Variants in CACNA1E observed in about 807,000 individuals in gnomAD.
CACNA1E encodes the protein voltage-dependent R-type calcium channel subunit alpha-1E.
CACNA1E carries 40 observed loss-of-function variants against 259.2 expected under a neutral mutation model. The ratio of observed to expected loss-of-function variants is 0.15; its 90% CI spans 0.12 to 0.20. The LOEUF (loss-of-function observed/expected upper bound fraction) is 0.20, where lower values mean the gene tolerates loss of function less well. Among genes scored for constraint, CACNA1E ranks in the 10% least tolerant of loss-of-function variants. The pLI, the probability that CACNA1E is intolerant of heterozygous loss-of-function variation, is 1.00. For missense variants in CACNA1E, 1,874 were observed against 3,040.1 expected, an observed-to-expected ratio of 0.62 and a Z score of 9.02; for synonymous variants, 1,104 against 1,138.5, an observed-to-expected ratio of 0.97 and a Z score of 0.61.
At chr1:181,680,519 C>T (rs1170101023) in intron 7 of CACNA1E, among the ~76,000 whole-genome samples, 1 of 152,144 alleles carries the variant, frequency 6.6e-6, no homozygotes, top group Non-Finnish European at 1.5e-5. Context: ...TGTGTTCCAC[C>T]CGCACATGTT....
chr1:181,529,223 G>A (rs903605139), intron 3 of CACNA1E, among the ~76,000 whole-genome samples: 5 of 151,858 alleles, frequency 3.3e-5, no homozygotes, highest in African/African-American at 1.2e-4. Flanking sequence ...CCCAAGTCTT[G>A]GCAGCTTCCA....
At chr1:181,636,921 GCAAAGAGGCTGTGTTTTCTGAACCTTCTC>G (rs1207787560) in intron 6 of CACNA1E, among the ~76,000 whole-genome samples, 7 of 152,230 alleles carry the variant, frequency 4.6e-5, no homozygotes, top group Non-Finnish European at 8.8e-5. Flanking sequence ...ATGCCCATCA[GCAAAGAGGCTGTGTTTTCTGAACCTTCTC>G]CAAAGAGGCT....
At chr1:181,731,262 G>A in intron 19 of CACNA1E, 31 bp downstream of exon 19, 1 of 1,564,186 alleles carries the variant, frequency 6.4e-7, no homozygotes, top group East Asian at 2.2e-5. Context: ...GTGTTTGTGA[G>A]TGGTTACGTG....
intron 3 of CACNA1E, among the ~76,000 whole-genome samples, chr1:181,563,135 C>T (rs1649486226): frequency 6.6e-6 from 1 of 152,130 alleles, no homozygotes. Context: ...TTTTATAAAA[C>T]TTTATGATTG....
chr1:181,542,690 G>A (rs1668684891), intron 3 of CACNA1E, among the ~76,000 whole-genome samples: 2 of 151,830 alleles, frequency 1.3e-5, no homozygotes, highest in Admixed American at 6.6e-5. Context: ...ACGCTGAACT[G>A]TGAGTCAGTT....
Position 181,566,391 on chromosome 1 carries a change from T to C in CACNA1E, c.513-11375T>C, listed in dbSNP as rs568303024. On this transcript the variant is annotated intron_variant, in intron 3 of 47. Transcript: ENST00000367573. ...CAACAATAAGAAATGTTTCTTTTTC[T>C]TTTTGTTATCACCTGGGCCTGAATG... Among the ~76,000 whole-genome samples, 20 of 152,312 alleles carry C rather than the reference T, an allele frequency of 1.3e-4. No homozygotes were observed. The South Asian group carries it at 4.1e-3, about 32-fold the overall frequency.
intron 1 of CACNA1E, among the ~76,000 whole-genome samples, chr1:181,491,097 A>C (rs1390691506): frequency 1.3e-5 from 2 of 152,224 alleles, no homozygotes; most frequent in Admixed American, 1.3e-4. Context: ...GGTCAGAGCC[A>C]AAAAGCATGA....
chr1:181,630,384 G>GCCCCCCCCCCCCCCCCCCC (rs371364830), intron 6 of CACNA1E, among the ~76,000 whole-genome samples: 1 of 145,056 alleles, frequency 6.9e-6, no homozygotes, highest in Non-Finnish European at 1.5e-5. Context: ...TAATTAACAT[G>GCCCCCCCCCCCCCCCCCCC]CCCCCCCACC....
In CACNA1E at chr1:181,579,061, CT is replaced by C; in HGVS notation, c.617-9del. The C allele has an allele frequency of 6.3e-7, 1 of 1,596,344 alleles. No homozygotes were observed. The highest frequency in any genetic ancestry group is 8.5e-7 in the Non-Finnish European group (1 of 1,172,264). On this transcript the variant is annotated splice_polypyrimidine_tract_variant and intron_variant, in intron 4 of 47. Transcript: ENST00000367573. ...ACAGCTGCATTGGTCATTCTCTGTCCTTCCTTCTAGGCCTGCAGATTGTGTT... is the reference window on the plus strand; with the variant it reads ...ACAGCTGCATTGGTCATTCTCTGTCCTCCTTCTAGGCCTGCAGATTGTGTT...
Position 181,720,774 on chromosome 1 carries a change from G to T in CACNA1E, c.1884-9G>T. ...TCATTTCATTATTTTCTCTAATTTT[G>T]TTTTTCAGGTTTAACTTTAATGATG... On this transcript the variant is annotated splice_polypyrimidine_tract_variant and intron_variant, in intron 14 of 47. Transcript: ENST00000367573. The T allele has an allele frequency of 6.5e-7, 1 of 1,545,214 alleles. No individual in the cohort carries two copies. The highest frequency in any genetic ancestry group is 8.9e-7 in the Non-Finnish European group (1 of 1,121,100).
chr1:181,454,814 G>A (rs552340195), intron 2 of CACNA1E, among the ~76,000 whole-genome samples: 3 of 152,288 alleles, frequency 2.0e-5, no homozygotes, highest in South Asian at 4.1e-4. Context: ...ACATGTACTA[G>A]GCTTTGCGTA....
At position 181,805,843 on chromosome 1, in the gene CACNA1E, A is replaced by T. The variant is rs1027183910; in HGVS notation, c.*7009A>T. Reference sequence around the variant, plus strand: ...ATGTGTTTGGCATTTCATGGCTGGGACAATGGAGTAGAGGGTAGGAAGACA... The same window carrying T: ...ATGTGTTTGGCATTTCATGGCTGGGTCAATGGAGTAGAGGGTAGGAAGACA... On this transcript the variant is annotated 3_prime_UTR_variant, in exon 48 of 48. Coordinates refer to ENST00000367573, the MANE Select transcript of CACNA1E (RefSeq NM_001205293.3). The T allele has an allele frequency of 6.6e-6, 1 of 152,246 alleles. No homozygotes were observed. Among genetic ancestry groups the T allele is most frequent in the Non-Finnish European group, 1.5e-5 (1 of 68,062 alleles). 9.4% of individuals were successfully genotyped at this position (152,246 alleles called of 1,614,324 possible). A position where few individuals can be genotyped will look rare whatever the true frequency, so the allele number is the denominator to read the frequency against.
rs568000598 is a variant in CACNA1E at position 181,318,568 on chromosome 1, TG to T, written c.-15+449del. On this transcript the variant is annotated intron_variant, in intron 1 of 11. Transcript: ENST00000524607. ...CGAGCCGCTGGGTTTTCGCAAGCCTTGGGGCCTCTGGCCGCCCTTCCATGCC... is the reference window on the plus strand; with the variant it reads ...CGAGCCGCTGGGTTTTCGCAAGCCTTGGGCCTCTGGCCGCCCTTCCATGCC... Among the ~76,000 whole-genome samples, 370 of 152,270 alleles carry T rather than the reference TG, an allele frequency of 2.4e-3. 2 individuals are homozygous for T. The highest frequency in any genetic ancestry group is 6.8e-3 in the Middle Eastern group (2 of 294).
chr1:181,787,950 AT>A (rs1044263189), intron 43 of CACNA1E, among the ~76,000 whole-genome samples: 15 of 152,224 alleles, frequency 9.9e-5, no homozygotes, highest in Admixed American at 9.8e-4. Context: ...AAGAAATTGG[AT>A]TTTGTCTTTG....
intron 2 of CACNA1E, among the ~76,000 whole-genome samples, chr1:181,464,302 A>G (rs1662010729): frequency 6.6e-6 from 1 of 151,584 alleles, no homozygotes; most frequent in African/African-American, 2.4e-5. Context: ...AGATTAACCT[A>G]AGGGAGCCTT....
Position 181,720,841 on chromosome 1 carries a change from A to G in CACNA1E, c.1942A>G (p.Met648Val), listed in dbSNP as rs1477532852. 3.1e-6 allele frequency: 5 copies of G among 1,611,296 alleles called. No homozygotes were observed. Among genetic ancestry groups the G allele is most frequent in the South Asian group, 1.1e-5 (1 of 90,506 alleles). Reference protein sequence around the residue: ...ANFDTFPAAIMTVFQILTGED... With the variant: ...ANFDTFPAAIVTVFQILTGED... ...TTTTGATACCTTCCCTGCAGCCATCATGACTGTGTTCCAGGTATGAGGCCA... is the reference window on the plus strand; with the variant it reads ...TTTTGATACCTTCCCTGCAGCCATCGTGACTGTGTTCCAGGTATGAGGCCA... Residue 648 changes from methionine (M) to valine (V), a missense_variant, in exon 15 of 48, where the codon ATG becomes GTG. Met to Val is a conservative substitution (Grantham distance 21). This residue lies in a region of CACNA1E where 102 missense variants were observed against 279.4 expected (regional missense o/e 0.37). Transcript: ENST00000367573.
intron 3 of CACNA1E, among the ~76,000 whole-genome samples, chr1:181,528,414 A>G (rs1241077488): frequency 6.6e-6 from 1 of 152,202 alleles, no homozygotes; most frequent in Non-Finnish European, 1.5e-5. Context: ...ATGAAAACAA[A>G]CTAATGCAGT....
At chr1:181,365,632 A>T (rs1473952208) in intron 1 of CACNA1E, among the ~76,000 whole-genome samples, 1 of 152,216 alleles carries the variant, frequency 6.6e-6, no homozygotes, top group African/African-American at 2.4e-5. Flanking sequence ...TGGCTGCCTT[A>T]GACACTGTTC....
chr1:181,608,925 G>A (rs1268452015), intron 6 of CACNA1E, among the ~76,000 whole-genome samples: 1 of 152,198 alleles, frequency 6.6e-6, no homozygotes, highest in Non-Finnish European at 1.5e-5. Context: ...CAGGGCTGGG[G>A]CAGGGGTGTC....
Sources: gnomAD v4.1 joint callset for allele counts (sites outside exome capture counted in the v4.1 genomes callset) on GRCh38, gnomAD v4.1.1 for gene constraint, gnomAD v4.1.1 regional missense constraint, MANE v1.5 for transcripts, NCBI Gene and HGNC (gene_info 2026-07-23, HGNC 2026-07-21) for gene names.